ZNF430: variants seen among roughly 807,000 people sequenced by gnomAD.
ZNF430 encodes zinc finger protein 430.
A neutral mutation model predicts 56.7 loss-of-function variants in ZNF430; 35 were observed. The ratio of observed to expected loss-of-function variants is 0.62; its 90% confidence interval spans 0.47 to 0.82. The LOEUF (loss-of-function observed/expected upper bound fraction) is 0.82. Ranked by LOEUF, ZNF430 falls within the 40% of genes least tolerant of loss-of-function variation. The pLI is 0.00. For synonymous variants in ZNF430, 212 were observed against 224.3 expected (o/e 0.94, Z 0.49); for missense variants, 574 against 661.0 (o/e 0.87, Z 1.44).
At chr19:21,034,434 C>T (rs746793267) in intron 4 of ZNF430, 48 of 337,542 alleles carry the variant, frequency 1.4e-4, no homozygotes, top group East Asian at 7.1e-4. Context: ...TCATGGCATG[C>T]GAGACTCACA....
Position 21,057,317 on chromosome 19 carries a change from A to G in ZNF430, c.1009A>G (p.Ile337Val). The G allele has an allele frequency of 5.6e-6, 9 of 1,613,364 alleles. No homozygotes were observed. The highest frequency in any genetic ancestry group is 7.6e-6 in the Non-Finnish European group (9 of 1,179,890). The part of the protein sequence containing the change: ...NRSSHLTTHK[I>V]IHTGEKPYKC... ...GTCCTCACACCTTACTACACATAAGATTATTCATACTGGAGAGAAACCCTA... is the reference window on the plus strand; with the variant it reads ...GTCCTCACACCTTACTACACATAAGGTTATTCATACTGGAGAGAAACCCTA... Residue 337 changes from isoleucine (I) to valine (V), a missense_variant, in exon 5 of 5, where the codon ATT becomes GTT. Coordinates refer to ENST00000261560, the MANE Select transcript of ZNF430 (RefSeq NM_025189.4).
chr19:21,037,564 C>G (rs1341812580), intron 4 of ZNF430, among the ~76,000 whole-genome samples: 1 of 152,182 alleles, frequency 6.6e-6, no homozygotes, highest in African/African-American at 2.4e-5. Flanking sequence ...TCAAATATGT[C>G]TTCCAGGTCA....
At chr19:21,035,665 A>T (rs60170851) in intron 4 of ZNF430, 5,007 of 203,690 alleles carry the variant, frequency 0.025, 246 homozygotes, top group African/African-American at 0.11. Flanking sequence ...GTAGGTAAAG[A>T]TCTTTTTCTG....
At position 21,057,855 on chromosome 19, in the gene ZNF430, T is replaced by C; in HGVS notation, c.1547T>C (p.Leu516Pro). Residue 516 changes from leucine (L) to proline (P), a missense_variant, in exon 5 of 5, where the codon CTA becomes CCA. This residue lies in a region of ZNF430 where 213 missense variants were observed against 221.0 expected (regional missense o/e 0.96). Coordinates refer to ENST00000261560, the MANE Select transcript of ZNF430 (RefSeq NM_025189.4). ...THIGDTSYKYLECDKAFSQSS... is the reference protein window; with the variant it reads ...THIGDTSYKYPECDKAFSQSS... ...ATTGGAGATACATCTTACAAATACC[T>C]AGAATGTGATAAAGCCTTTAGCCAG... The C allele has an allele frequency of 6.2e-7, 1 of 1,611,662 alleles. No individual in the cohort carries two copies. The highest frequency in any genetic ancestry group is 8.5e-7 in the Non-Finnish European group (1 of 1,179,446).
chr19:21,053,239 G>C lies in ZNF430; in HGVS notation c.323-3392G>C, dbSNP rs974206915. On this transcript the variant is annotated intron_variant, in intron 4 of 4. Coordinates refer to ENST00000261560, the MANE Select transcript of ZNF430 (RefSeq NM_025189.4). ...CTGACCTATAGGCGCCTGGCTACTG[G>C]GTAAAAGAGAAGGCAGGAAGGAGGG... Among the ~76,000 whole-genome samples the C allele has an allele frequency of 5.9e-5, 9 of 151,952 alleles. No homozygotes were observed. In the South Asian group the frequency reaches 1.5e-3, roughly 25 times the overall value.
chr19:21,025,731 C>T (rs1044213206), intron 2 of ZNF430, among the ~76,000 whole-genome samples: 8 of 150,896 alleles, frequency 5.3e-5, no homozygotes, highest in Non-Finnish European at 1.0e-4. Context: ...GGATTACAGG[C>T]GCCTACCACC....
Position 21,051,428 on chromosome 19 carries a change from T to C in ZNF430, c.323-5203T>C, listed in dbSNP as rs375880562. Among the ~76,000 whole-genome samples the C allele has an allele frequency of 2.6e-5, 4 of 151,974 alleles. No homozygotes were observed. In the East Asian group the frequency reaches 5.8e-4, roughly 22 times the overall value. On this transcript the variant is annotated intron_variant, in intron 4 of 4. Coordinates refer to ENST00000261560, the MANE Select transcript of ZNF430 (RefSeq NM_025189.4). Reference sequence around the variant, plus strand: ...CTTTCAGTAGCAATGCTGCAATAATTATGGATATGCAAATAACTTCATATG... The same window carrying C: ...CTTTCAGTAGCAATGCTGCAATAATCATGGATATGCAAATAACTTCATATG...
intron 4 of ZNF430, among the ~76,000 whole-genome samples, chr19:21,047,265 A>G (rs540669370): frequency 6.6e-6 from 1 of 152,064 alleles, no homozygotes; most frequent in Non-Finnish European, 1.5e-5. Flanking sequence ...GCTTCTTTGC[A>G]TTGGGTTAGA....
chr19:21,034,209 C>T (rs770728646), intron 4 of ZNF430, 25 bp downstream of exon 4: 27 of 1,460,782 alleles, frequency 1.8e-5, no homozygotes, highest in East Asian at 1.4e-4. Flanking sequence ...ACACAACAGA[C>T]GACATGAATG....
intron 1 of ZNF430, among the ~76,000 whole-genome samples, chr19:21,021,905 C>T (rs1286242155): frequency 2.8e-5 from 4 of 142,530 alleles, no homozygotes; most frequent in South Asian, 2.1e-4. Flanking sequence ...GGCACAATCT[C>T]GGCTCACTAC....
At position 21,040,834 on chromosome 19, in the gene ZNF430, C is replaced by T. The variant is rs755538983; in HGVS notation, c.322+6650C>T. Among the ~76,000 whole-genome samples the T allele has an allele frequency of 1.5e-4, 23 of 152,068 alleles. 1 individual carries two copies. Among genetic ancestry groups the T allele is most frequent in the Middle Eastern group, 6.8e-3 (2 of 292 alleles). On this transcript the variant is annotated intron_variant, in intron 4 of 4. Transcript: ENST00000261560. ...TATTGGAGTCCTGATGTTATATATA[C>T]ATATACATATAAACATAAATAGATA...
intron 2 of ZNF430, among the ~76,000 whole-genome samples, chr19:21,025,687 A>G (rs1164930102): frequency 1.3e-5 from 2 of 151,722 alleles, no homozygotes; most frequent in Non-Finnish European, 2.9e-5. Flanking sequence ...ACCAGGTTCA[A>G]GTATTTCTCC....
At chr19:21,040,129 C>A (rs1968077138) in intron 4 of ZNF430, among the ~76,000 whole-genome samples, 1 of 152,212 alleles carries the variant, frequency 6.6e-6, no homozygotes, top group Non-Finnish European at 1.5e-5. Context: ...TCAGCCACTA[C>A]TCCCAGGTGG....
At chr19:21,034,684 C>G (rs973192572) in intron 4 of ZNF430, 5 of 152,438 alleles carry the variant, frequency 3.3e-5, no homozygotes, top group African/African-American at 1.2e-4. Flanking sequence ...ATTACAGGCA[C>G]CTGCCACCAT....
In ZNF430 at chr19:21,044,013, G is replaced by A. The variant is rs1329489182; in HGVS notation, c.322+9829G>A. ...TTTGGGCTGACATTGGGGCATTCTA[G>A]ATATGGGATCATGTCATCTGCAAAC... On this transcript the variant is annotated intron_variant, in intron 4 of 4. Transcript: ENST00000261560. 1.2e-4 allele frequency among the ~76,000 whole-genome samples: 18 copies of A among 150,300 alleles called. 1 individual carries two copies. In the South Asian group the frequency reaches 3.8e-3, roughly 32 times the overall value.
At chr19:21,030,863 C>T (rs963502021) in intron 2 of ZNF430, among the ~76,000 whole-genome samples, 12 of 49,772 alleles carry the variant, frequency 2.4e-4, no homozygotes, top group Non-Finnish European at 6.0e-4. Flanking sequence ...TTATCAGCCC[C>T]GTCTTGTTTT....
chr19:21,036,600 A>C (rs771100694), intron 4 of ZNF430: 18 of 152,040 alleles, frequency 1.2e-4, no homozygotes, highest in Admixed American at 5.2e-4. Context: ...CAAAAGTTTG[A>C]GACCAACCTG....
At chr19:21,021,058 C>T (rs1305513190) in intron 1 of ZNF430, among the ~76,000 whole-genome samples, 1 of 152,196 alleles carries the variant, frequency 6.6e-6, no homozygotes, top group Non-Finnish European at 1.5e-5. Flanking sequence ...AGCTCTGCAT[C>T]CGCAGCGCCG....
At chr19:21,031,774 G>A (rs1967905106) in intron 2 of ZNF430, among the ~76,000 whole-genome samples, 2 of 152,114 alleles carry the variant, frequency 1.3e-5, no homozygotes, top group South Asian at 4.1e-4. Flanking sequence ...TGTCTCAGAA[G>A]AAGAGCTGTG....
Sources: gnomAD v4.1 joint callset for allele counts (sites outside exome capture counted in the v4.1 genomes callset) on GRCh38, gnomAD v4.1.1 for gene constraint, gnomAD v4.1.1 regional missense constraint, MANE v1.5 for transcripts, NCBI Gene and HGNC (gene_info 2026-07-23, HGNC 2026-07-21) for gene names.